SPMAP2L: variants seen among roughly 807,000 people sequenced by gnomAD.
SPMAP2L encodes the protein sperm microtubule associated protein 2-like.
the SPMAP2L span, chr4:56,593,804 A>G: frequency 1.2e-6 from 2 of 1,603,218 alleles, no homozygotes; most frequent in Non-Finnish European, 1.7e-6. Context: ...CAACATCTGT[A>G]CAGCTCAGGC....
the SPMAP2L span, among the ~76,000 whole-genome samples, chr4:56,585,993 C>T: frequency 6.6e-6 from 1 of 152,126 alleles, no homozygotes; most frequent in Non-Finnish European, 1.5e-5. Flanking sequence ...TGGCATAAAA[C>T]AACAATGATT....
the SPMAP2L span, chr4:56,584,502 T>G: frequency 6.5e-7 from 1 of 1,532,830 alleles, no homozygotes; most frequent in Non-Finnish European, 8.7e-7. Flanking sequence ...TATAGACCCT[T>G]CAGTGATAAC....
the SPMAP2L span, among the ~76,000 whole-genome samples, chr4:56,606,089 T>C: frequency 6.6e-6 from 1 of 152,208 alleles, no homozygotes; most frequent in Non-Finnish European, 1.5e-5. Context: ...ATTAGCCGTC[T>C]CTTTGGCCGC....
At chr4:56,587,115 CA>C in the SPMAP2L span, among the ~76,000 whole-genome samples, 1 of 152,024 alleles carries the variant, frequency 6.6e-6, no homozygotes, top group African/African-American at 2.4e-5. Context: ...GAGTTTTTAA[CA>C]ATTAATTTTA....
At chr4:56,587,703 T>C in the SPMAP2L span, among the ~76,000 whole-genome samples, 1 of 152,248 alleles carries the variant, frequency 6.6e-6, no homozygotes, top group African/African-American at 2.4e-5. Context: ...CACAGTTTCT[T>C]TATCCACTTG....
chr4:56,577,537 G>C, the SPMAP2L span, among the ~76,000 whole-genome samples: 1 of 152,048 alleles, frequency 6.6e-6, no homozygotes, highest in Non-Finnish European at 1.5e-5. Context: ...AGTGAGCAGA[G>C]ATTGCGCCAC....
chr4:56,544,999 G>C, the SPMAP2L span, among the ~76,000 whole-genome samples: 152 of 152,350 alleles, frequency 1.0e-3, 2 homozygotes, highest in African/African-American at 3.6e-3. Flanking sequence ...GGACAATGCT[G>C]TCCACACAGA....
chr4:56,557,236 T>A, the SPMAP2L span, among the ~76,000 whole-genome samples: 2 of 141,822 alleles, frequency 1.4e-5, no homozygotes, highest in Non-Finnish European at 3.0e-5. Flanking sequence ...GTGACAGAGG[T>A]GACAGAGGGA....
chr4:56,604,999 A>T, the SPMAP2L span, among the ~76,000 whole-genome samples: 8 of 152,318 alleles, frequency 5.3e-5, no homozygotes, highest in East Asian at 1.5e-3. Context: ...TTGGGGACTC[A>T]GAGGGAAGGC....
At chr4:56,552,711 C>T in the SPMAP2L span, 1 of 713,448 alleles carries the variant, frequency 1.4e-6, no homozygotes, top group Non-Finnish European at 2.4e-6. Context: ...TAACTAGATC[C>T]TCTGAACCAA....
the SPMAP2L span, among the ~76,000 whole-genome samples, chr4:56,574,291 A>G: frequency 6.6e-6 from 1 of 152,094 alleles, no homozygotes; most frequent in African/African-American, 2.4e-5. Flanking sequence ...TGGTGATGCA[A>G]ACTTGTAGTC....
chr4:56,605,447 A>G, the SPMAP2L span, among the ~76,000 whole-genome samples: 8 of 152,146 alleles, frequency 5.3e-5, no homozygotes, highest in Non-Finnish European at 4.4e-5. Context: ...AAATAACAGA[A>G]TAGAGAACTT....
the SPMAP2L span, among the ~76,000 whole-genome samples, chr4:56,545,996 G>A: frequency 2.8e-4 from 42 of 152,274 alleles, no homozygotes; most frequent in Non-Finnish European, 5.0e-4. Context: ...GTTTCGCCAT[G>A]TTGGCCAGGC....
At chr4:56,557,130 T>A in the SPMAP2L span, among the ~76,000 whole-genome samples, 2 of 151,638 alleles carry the variant, frequency 1.3e-5, no homozygotes, top group Non-Finnish European at 2.9e-5. Context: ...GTGCCTGTAG[T>A]CCCAGCTATT....
the SPMAP2L span, chr4:56,601,076 C>G: frequency 2.6e-6 from 4 of 1,535,014 alleles, no homozygotes; most frequent in East Asian, 7.3e-5. Flanking sequence ...AAAGCATCAC[C>G]TAGGATTCAG....
chr4:56,594,485 C>T, the SPMAP2L span: 6 of 1,606,110 alleles, frequency 3.7e-6, no homozygotes, highest in Non-Finnish European at 3.4e-6. Context: ...AGGTTATGAC[C>T]AGGTCTGTTT....
the SPMAP2L span, chr4:56,548,942 G>A: frequency 3.9e-6 from 2 of 510,212 alleles, no homozygotes; most frequent in Admixed American, 4.3e-5. Context: ...ACATTCCTAG[G>A]CTTTCCCTTT....
the SPMAP2L span, chr4:56,584,559 T>C: frequency 6.5e-7 from 1 of 1,535,454 alleles, no homozygotes; most frequent in East Asian, 2.4e-5. Context: ...CCCCGGATAT[T>C]ACAACTCTCA....
chr4:56,597,622 T>C, the SPMAP2L span, among the ~76,000 whole-genome samples: 1 of 152,184 alleles, frequency 6.6e-6, no homozygotes, highest in Non-Finnish European at 1.5e-5. Flanking sequence ...GTCAGGCAAA[T>C]GACTTTATTC....
Sources: gnomAD v4.1 joint callset for allele counts (sites outside exome capture counted in the v4.1 genomes callset) on GRCh38, gnomAD v4.1.1 for gene constraint, MANE v1.5 for transcripts, NCBI Gene and HGNC (gene_info 2026-07-23, HGNC 2026-07-21) for gene names.